The following RBFOX1 variants were observed in gnomAD, a reference collection of about 807,000 sequenced individuals.
RBFOX1 encodes the protein RNA binding protein fox-1 homolog 1.
RBFOX1 carries 8 observed loss-of-function variants against 57.7 expected under a neutral mutation model. The observed-to-expected ratio is 0.14, with a 90% confidence interval of 0.08 to 0.25. RBFOX1 has a LOEUF of 0.25. Among genes scored for constraint, RBFOX1 ranks in the 10% least tolerant of loss-of-function variants. RBFOX1 has a pLI of 1.00. For synonymous variants in RBFOX1, 326 were observed against 222.4 expected (o/e 1.47, Z -4.15); for missense variants, 611 against 548.5 (o/e 1.11, Z -1.14).
intron 4 of RBFOX1, among the ~76,000 whole-genome samples, chr16:7,318,933 A>G (rs931009205): frequency 6.6e-6 from 1 of 152,196 alleles, no homozygotes; most frequent in Non-Finnish European, 1.5e-5. Flanking sequence ...ACCACTAGCC[A>G]GAATGATAAA....
At chr16:6,818,285 G>A (rs6500842) in intron 3 of RBFOX1, among the ~76,000 whole-genome samples, 79,156 of 151,736 alleles carry the variant, frequency 0.52, 20,982 homozygotes, top group African/African-American at 0.59. Context: ...GGATTCACCT[G>A]TGTGTGCGTC....
intron 4 of RBFOX1, among the ~76,000 whole-genome samples, chr16:7,161,593 G>T (rs1035314065): frequency 1.3e-5 from 2 of 152,150 alleles, no homozygotes; most frequent in African/African-American, 2.4e-5. Context: ...CTAAGAATCA[G>T]ATTTAATGTT....
chr16:5,743,004 C>G (rs2052832048), intron 3 of RBFOX1, among the ~76,000 whole-genome samples: 1 of 152,178 alleles, frequency 6.6e-6, no homozygotes, highest in South Asian at 2.1e-4. Flanking sequence ...TTTGCATTAA[C>G]AATAGAGATA....
chr16:7,446,898 C>A (rs1376569090), intron 4 of RBFOX1, among the ~76,000 whole-genome samples: 1 of 143,878 alleles, frequency 7.0e-6, no homozygotes, highest in Non-Finnish European at 1.5e-5. Flanking sequence ...CTGCAAACTC[C>A]ACCTCCTGGG....
chr16:7,325,038 CA>C (rs1455020492), intron 4 of RBFOX1, among the ~76,000 whole-genome samples: 1 of 152,194 alleles, frequency 6.6e-6, no homozygotes, highest in East Asian at 1.9e-4. Context: ...GAAGGCACTT[CA>C]CAAGTTGCAT....
At chr16:5,722,638 T>C (rs943336946) in intron 3 of RBFOX1, among the ~76,000 whole-genome samples, 2 of 152,122 alleles carry the variant, frequency 1.3e-5, no homozygotes, top group African/African-American at 4.8e-5. Context: ...GGGTTGTGAG[T>C]CTGCATCTGA....
At chr16:6,993,170 C>G (rs947491714) in intron 3 of RBFOX1, among the ~76,000 whole-genome samples, 2 of 152,134 alleles carry the variant, frequency 1.3e-5, no homozygotes, top group African/African-American at 4.8e-5. Context: ...CTTTGTCTCA[C>G]TTGTCAAATA....
At chr16:6,342,141 G>C (rs566054404) in intron 2 of RBFOX1, among the ~76,000 whole-genome samples, 3 of 152,286 alleles carry the variant, frequency 2.0e-5, no homozygotes, top group African/African-American at 7.2e-5. Flanking sequence ...CTTTGAAGGG[G>C]AGTGATGGTG....
At position 7,194,906 on chromosome 16, in the gene RBFOX1, C is replaced by G. The variant is rs79037256; in HGVS notation, c.27+142808C>G. 1.1e-3 allele frequency among the ~76,000 whole-genome samples: 141 copies of G among 132,750 alleles called. 1 individual carries two copies. The East Asian group carries it at 0.028, about 27-fold the overall frequency. 87.1% of individuals were successfully genotyped at this position (132,750 alleles called of 152,430 possible). ...TTGTGCCACTGCACTCCAGCTTGGGCTACAAAATGAGACCCTGTTTCACAA... is the reference window on the plus strand; with the variant it reads ...TTGTGCCACTGCACTCCAGCTTGGGGTACAAAATGAGACCCTGTTTCACAA... On this transcript the variant is annotated intron_variant, in intron 4 of 15. Coordinates refer to ENST00000550418, the MANE Select transcript of RBFOX1 (RefSeq NM_018723.4).
At chr16:6,463,388 T>C (rs2094964171) in intron 2 of RBFOX1, among the ~76,000 whole-genome samples, 1 of 152,210 alleles carries the variant, frequency 6.6e-6, no homozygotes, top group African/African-American at 2.4e-5. Flanking sequence ...TTTTGCCTAC[T>C]AATATATTTT....
chr16:7,190,066 A>C (rs1161081234), intron 4 of RBFOX1, among the ~76,000 whole-genome samples: 3 of 152,214 alleles, frequency 2.0e-5, no homozygotes, highest in East Asian at 3.9e-4. Context: ...GTTAAATTTA[A>C]AATAAAAATC....
At chr16:7,369,708 G>T (rs897643535) in intron 4 of RBFOX1, among the ~76,000 whole-genome samples, 2 of 152,126 alleles carry the variant, frequency 1.3e-5, no homozygotes, top group Non-Finnish European at 2.9e-5. Context: ...CATGGTGTCT[G>T]ATTAGCAATA....
chr16:5,543,711 G>C (rs983526332), intron 2 of RBFOX1, among the ~76,000 whole-genome samples: 2 of 151,968 alleles, frequency 1.3e-5, no homozygotes, highest in African/African-American at 4.8e-5. Context: ...GAAGAGACAC[G>C]AAGAAAACTA....
chr16:6,743,602 G>T (rs992318987), intron 3 of RBFOX1, among the ~76,000 whole-genome samples: 1 of 151,638 alleles, frequency 6.6e-6, no homozygotes, highest in Non-Finnish European at 1.5e-5. Flanking sequence ...ATTGAAGTGA[G>T]CATGGTGGTG....
At chr16:6,450,828 T>TATATAC (rs1567303693) in intron 2 of RBFOX1, among the ~76,000 whole-genome samples, 1 of 27,390 alleles carries the variant, frequency 3.7e-5, no homozygotes, top group Non-Finnish European at 5.7e-5. Context: ...CATATATATA[T>TATATAC]ATATATATGT....
At chr16:6,999,362 C>G (rs1269457284) in intron 3 of RBFOX1, among the ~76,000 whole-genome samples, 1 of 151,182 alleles carries the variant, frequency 6.6e-6, no homozygotes, top group African/African-American at 2.4e-5. Flanking sequence ...TGGCCAGGAG[C>G]TACATTTTTA....
intron 3 of RBFOX1, among the ~76,000 whole-genome samples, chr16:6,831,198 A>G (rs921326575): frequency 1.3e-5 from 2 of 152,192 alleles, no homozygotes; most frequent in Non-Finnish European, 2.9e-5. Flanking sequence ...GAGAGAGGAG[A>G]CAACACAGCT....
At chr16:7,165,826 GAC>G (rs1263679512) in intron 4 of RBFOX1, among the ~76,000 whole-genome samples, 1 of 151,900 alleles carries the variant, frequency 6.6e-6, no homozygotes, top group African/African-American at 2.4e-5. Flanking sequence ...CCTTCTGCTA[GAC>G]CAGGAATGAA....
intron 7 of RBFOX1, among the ~76,000 whole-genome samples, chr16:7,591,282 C>G (rs1170831836): frequency 6.6e-6 from 1 of 152,116 alleles, no homozygotes; most frequent in African/African-American, 2.4e-5. Context: ...AGATGCTCAT[C>G]AACAGCTCCC....
Sources: gnomAD v4.1 joint callset for allele counts (sites outside exome capture counted in the v4.1 genomes callset) on GRCh38, gnomAD v4.1.1 for gene constraint, MANE v1.5 for transcripts, NCBI Gene and HGNC (gene_info 2026-07-23, HGNC 2026-07-21) for gene names.